The following USP13 variants were observed in gnomAD, a reference collection of about 807,000 sequenced individuals.
USP13 encodes the protein ubiquitin specific peptidase 13.
USP13 carries 68 observed loss-of-function variants against 107.8 expected under a neutral mutation model. The observed-to-expected ratio is 0.63, with a 90% CI of 0.52 to 0.77. The LOEUF (loss-of-function observed/expected upper bound fraction) is 0.77, where lower values mean the gene tolerates loss of function less well. USP13 is among the 30% of genes least tolerant of loss of function. The pLI is 0.00. For missense variants in USP13, 945 were observed against 1,093.3 expected (o/e 0.86, Z 1.91); for synonymous variants, 377 against 389.5 (o/e 0.97, Z 0.38).
chr3:179,728,081 C>T (rs1480473877), intron 8 of USP13, among the ~76,000 whole-genome samples: 1 of 80,186 alleles, frequency 1.2e-5, no homozygotes. Flanking sequence ...GGCTGACCCC[C>T]CCACCTCCCT....
rs1341321163 is a variant in USP13 at position 179,769,290 on chromosome 3, TTATA to T, written c.2413+3445_2413+3448del. On this transcript the variant is annotated intron_variant, in intron 19 of 20. Coordinates refer to ENST00000263966, the MANE Select transcript of USP13 (RefSeq NM_003940.3). ...TTCTATTATAAACATGTACCATAGTTTATATACCTAATTCTAGGTTAATTAGGTA... is the reference window on the plus strand; with the variant it reads ...TTCTATTATAAACATGTACCATAGTTTACCTAATTCTAGGTTAATTAGGTA... Among the ~76,000 whole-genome samples the T allele has an allele frequency of 4.6e-5, 7 of 152,220 alleles. No individual in the cohort carries two copies. The East Asian group carries it at 1.3e-3, about 29-fold the overall frequency.
chr3:179,758,455 A>AT (rs1714882463), intron 16 of USP13, among the ~76,000 whole-genome samples: 1 of 152,112 alleles, frequency 6.6e-6, no homozygotes, highest in Non-Finnish European at 1.5e-5. Flanking sequence ...TCAGGAGAAA[A>AT]TAAAACTATC....
chr3:179,780,382 G>A (rs180762981), intron 19 of USP13, among the ~76,000 whole-genome samples: 1 of 152,296 alleles, frequency 6.6e-6, no homozygotes, highest in East Asian at 1.9e-4. Context: ...GTTCAGCAAG[G>A]TTGCAGGAAA....
intron 1 of USP13, among the ~76,000 whole-genome samples, chr3:179,674,572 A>C (rs1424087405): frequency 6.6e-6 from 1 of 151,908 alleles, no homozygotes; most frequent in Non-Finnish European, 1.5e-5. Context: ...CCATTGCTAC[A>C]TTATTTTATT....
chr3:179,659,451 G>A (rs148345840), intron 1 of USP13, among the ~76,000 whole-genome samples: 108 of 152,272 alleles, frequency 7.1e-4, no homozygotes, highest in African/African-American at 2.4e-3. Flanking sequence ...GAAGATCTGG[G>A]GGTGGGGGTG....
At chr3:179,774,540 G>GGAGTTGCTCATTCCTCCTGTCCA (rs1715449742) in intron 19 of USP13, among the ~76,000 whole-genome samples, 5 of 151,644 alleles carry the variant, frequency 3.3e-5, no homozygotes, top group African/African-American at 1.2e-4. Context: ...CCTCCTGTCC[G>GGAGTTGCTCATTCCTCCTGTCCA]GAGTTGCTCA....
At chr3:179,709,384 A>C (rs1185975543) in intron 6 of USP13, among the ~76,000 whole-genome samples, 1 of 152,242 alleles carries the variant, frequency 6.6e-6, no homozygotes, top group Non-Finnish European at 1.5e-5. Context: ...ACAGGGATTA[A>C]GTATCATTTT....
intron 18 of USP13, among the ~76,000 whole-genome samples, chr3:179,765,453 T>A (rs1245114476): frequency 6.6e-6 from 1 of 152,254 alleles, no homozygotes; most frequent in East Asian, 1.9e-4. Context: ...AATGCTGATC[T>A]GCTGCTTAGA....
At chr3:179,691,994 G>A (rs1007428499) in intron 3 of USP13, among the ~76,000 whole-genome samples, 1 of 152,046 alleles carries the variant, frequency 6.6e-6, no homozygotes, top group Non-Finnish European at 1.5e-5. Context: ...TTTCATTTTT[G>A]TAAAAAAATC....
At chr3:179,754,497 C>T (rs1714718695) in intron 14 of USP13, among the ~76,000 whole-genome samples, 5 of 152,198 alleles carry the variant, frequency 3.3e-5, no homozygotes, top group Admixed American at 3.3e-4. Context: ...TAACCTCAGG[C>T]TTAAATGATT....
chr3:179,682,238 G>T (rs1711685191), intron 2 of USP13, among the ~76,000 whole-genome samples: 1 of 101,826 alleles, frequency 9.8e-6, no homozygotes, highest in Admixed American at 1.3e-4. Flanking sequence ...TACATAGATT[G>T]ACTAATTGGA....
intron 19 of USP13, among the ~76,000 whole-genome samples, chr3:179,772,958 C>T (rs1360410937): frequency 6.6e-6 from 1 of 152,190 alleles, no homozygotes; most frequent in East Asian, 1.9e-4. Flanking sequence ...CCAAATACTC[C>T]TCCCTCCCAC....
intron 1 of USP13, among the ~76,000 whole-genome samples, chr3:179,665,655 G>A (rs954609391): frequency 1.3e-5 from 2 of 151,636 alleles, no homozygotes; most frequent in East Asian, 1.9e-4. Context: ...GTGTGATCTC[G>A]GCTCACTGCC....
In USP13 at chr3:179,687,600, G is replaced by A. The variant is rs531557399; in HGVS notation, c.295-2641G>A. ...CTTGGACCTGGGAGGCTGAAGTTGCGGTAAGCCAAGATCATGCCATTGCAC... is the reference window on the plus strand; with the variant it reads ...CTTGGACCTGGGAGGCTGAAGTTGCAGTAAGCCAAGATCATGCCATTGCAC... On this transcript the variant is annotated intron_variant, in intron 2 of 20. Coordinates refer to ENST00000263966, the MANE Select transcript of USP13 (RefSeq NM_003940.3). 2.6e-4 allele frequency among the ~76,000 whole-genome samples: 35 copies of A among 135,206 alleles called. No individual in the cohort carries two copies. In the East Asian group the frequency reaches 7.7e-3, roughly 30 times the overall value. 88.7% of individuals were successfully genotyped at this position (135,206 alleles called of 152,430 possible).
chr3:179,706,896 A>C (rs375369301), intron 4 of USP13, 38 bp from the exon 5 acceptor site: 59 of 1,560,054 alleles, frequency 3.8e-5, no homozygotes, highest in Non-Finnish European at 4.5e-5. Flanking sequence ...TATTTTCTCA[A>C]ACTGTTTTTA....
Position 179,761,125 on chromosome 3 carries a change from T to G in USP13, c.1962T>G (p.Asp654Glu), listed in dbSNP as rs957660658. 1 of 1,614,054 alleles carries G rather than the reference T, an allele frequency of 6.2e-7. No homozygotes were observed. Among genetic ancestry groups the G allele is most frequent in the Admixed American group, 1.7e-5 (1 of 60,004 alleles). Residue 654 changes from aspartate (D) to glutamate (E), a missense_variant, in exon 17 of 21, where the codon GAT (aspartate) becomes GAG (glutamate). Transcript: ENST00000263966. Reference protein sequence around the residue: ...MNQLIDPSDIDESSVMQLAEM... With the variant: ...MNQLIDPSDIEESSVMQLAEM... ...TGTGCTCTGTAGCATCAGACATCGA[T>G]GAGTCATCAGTGATGCAGCTGGCCG...
intron 13 of USP13, among the ~76,000 whole-genome samples, chr3:179,745,508 T>C (rs1383774579): frequency 1.3e-5 from 2 of 148,800 alleles, no homozygotes; most frequent in Non-Finnish European, 2.9e-5. Flanking sequence ...CTTCCTTCCT[T>C]CCTTCCTTTC....
chr3:179,750,221 C>T (rs573763097), intron 13 of USP13, among the ~76,000 whole-genome samples: 2 of 150,800 alleles, frequency 1.3e-5, no homozygotes, highest in South Asian at 2.1e-4. Context: ...CCCGAGATCA[C>T]GCCATTGCAC....
chr3:179,704,051 C>T (rs539740954), intron 4 of USP13, among the ~76,000 whole-genome samples: 4 of 152,198 alleles, frequency 2.6e-5, no homozygotes, highest in African/African-American at 9.6e-5. Flanking sequence ...TTTCGCATCA[C>T]TTGAGATAAC....
Sources: gnomAD v4.1 joint callset for allele counts (sites outside exome capture counted in the v4.1 genomes callset) on GRCh38, gnomAD v4.1.1 for gene constraint, MANE v1.5 for transcripts, NCBI Gene and HGNC (gene_info 2026-07-23, HGNC 2026-07-21) for gene names.